The following SH3KBP1 variants were observed in gnomAD, a reference collection of about 807,000 sequenced individuals.
The protein encoded by SH3KBP1 is SH3 domain containing kinase binding protein 1, also known as SH3 domain-containing kinase-binding protein 1.
SH3KBP1 carries 8 observed loss-of-function variants against 50.1 expected under a neutral mutation model. That is an observed-to-expected ratio of 0.16 (90% CI 0.09 to 0.29). The LOEUF (loss-of-function observed/expected upper bound fraction) is 0.29, where lower values mean the gene tolerates loss of function less well. Among genes scored for constraint, SH3KBP1 ranks in the 10% least tolerant of loss-of-function variants. The pLI, the probability that SH3KBP1 is intolerant of heterozygous loss-of-function variation, is 1.00. For missense variants in SH3KBP1, 377 were observed against 535.2 expected, an observed-to-expected ratio of 0.70 and a Z score of 2.92; for synonymous variants, 227 against 218.6, an observed-to-expected ratio of 1.04 and a Z score of -0.34.
chrX:19,740,729 A>G (rs1230975993), intron 3 of SH3KBP1: 2 of 314,454 alleles, frequency 6.4e-6, no homozygotes, highest in Admixed American at 6.8e-5. Context: ...CAAACCAAAG[A>G]GGTTGACATT....
intron 4 of SH3KBP1, among the ~76,000 whole-genome samples, chrX:19,698,634 T>C (rs962234568): frequency 4.5e-5 from 5 of 111,756 alleles, no homozygotes; most frequent in African/African-American, 1.6e-4. Flanking sequence ...GAGCCCTTCA[T>C]GGGGGTGGTG....
chrX:19,788,354 G>A (rs1603243180), intron 2 of SH3KBP1, among the ~76,000 whole-genome samples: 1 of 108,547 alleles, frequency 9.2e-6, no homozygotes, highest in Middle Eastern at 4.7e-3. Context: ...AATGCCATGT[G>A]AAGATGAAGA....
intron 12 of SH3KBP1, among the ~76,000 whole-genome samples, chrX:19,572,967 G>C (rs2066090727): frequency 9.0e-6 from 1 of 111,557 alleles, no homozygotes; most frequent in Non-Finnish European, 1.9e-5. Context: ...GTTATTCCTG[G>C]GTAGTCTGAT....
chrX:19,762,906 C>T (rs940645011), intron 2 of SH3KBP1, among the ~76,000 whole-genome samples: 4 of 112,180 alleles, frequency 3.6e-5, no homozygotes, highest in African/African-American at 1.3e-4. Context: ...TGGAAACCTG[C>T]GAGTGGAGAT....
At position 19,758,597 on chromosome X, in the gene SH3KBP1, G is replaced by T. The variant is rs187658111; in HGVS notation, c.163-12156C>A. ...CATTTTTCCCATCAAAGTCTCCTCT[G>T]GAAAAATTTTAAAATGTTTCTCACT... On this transcript the variant is annotated intron_variant, in intron 2 of 17. Transcript: ENST00000397821. 4.5e-5 allele frequency among the ~76,000 whole-genome samples: 5 copies of T among 111,005 alleles called. No homozygotes were observed. In the East Asian group the frequency reaches 1.4e-3, roughly 31 times the overall value.
intron 13 of SH3KBP1, among the ~76,000 whole-genome samples, chrX:19,554,350 ATATAT>A (rs1169444993): frequency 2.2e-5 from 2 of 91,783 alleles, no homozygotes; most frequent in African/African-American, 8.5e-5. Context: ...TATCATATTA[ATATAT>A]TATATATCAT....
Position 19,553,917 on chromosome X carries a change from TATA to T in SH3KBP1, c.1385-3837_1385-3835del, listed in dbSNP as rs1468078807. ...TATATTATATATATAAAATATTATA[TATA>T]ATATTAAAATATATAATATATAATA... On this transcript the variant is annotated intron_variant, in intron 13 of 17. Transcript: ENST00000397821. Among the ~76,000 whole-genome samples, 45 of 75,353 alleles carry T rather than the reference TATA, an allele frequency of 6.0e-4. 1 individual carries two copies. Among genetic ancestry groups the T allele is most frequent in the African/African-American group, 2.1e-3 (41 of 19,160 alleles). The allele number at this position is 75,353 out of a possible 115,157, so 65.4% of individuals were successfully genotyped here. A position where few individuals can be genotyped will look rare whatever the true frequency, so the allele number is the denominator to read the frequency against.
intron 2 of SH3KBP1, among the ~76,000 whole-genome samples, chrX:19,815,538 A>G (rs1463251502): frequency 1.8e-5 from 2 of 109,562 alleles, no homozygotes; most frequent in Non-Finnish European, 3.8e-5. Flanking sequence ...ACTTGATCCA[A>G]TGTGTAGATT....
intron 13 of SH3KBP1, among the ~76,000 whole-genome samples, chrX:19,553,956 TATAATATATAATATATATTAA>T (rs2065334730): frequency 1.5e-5 from 1 of 67,288 alleles, no homozygotes; most frequent in Non-Finnish European, 2.4e-5. Flanking sequence ...TATATTAAAA[TATAATATATAATATATATTAA>T]AATATAATAT....
chrX:19,690,794 G>T (rs1317817018), intron 5 of SH3KBP1, among the ~76,000 whole-genome samples: 1 of 112,299 alleles, frequency 8.9e-6, no homozygotes, highest in Admixed American at 9.4e-5. Flanking sequence ...ACAATAAGAA[G>T]AAATAAGCTA....
Position 19,887,350 on chromosome X carries a change from G to A in SH3KBP1, c.-40C>T. 3 of 966,928 alleles carry A rather than the reference G, an allele frequency of 3.1e-6. No individual in the cohort carries two copies. The Admixed American group carries it at 1.4e-4, about 45-fold the overall frequency. The allele number at this position is 966,928 out of a possible 1,213,427, so 79.7% of individuals were successfully genotyped here. On this transcript the variant is annotated 5_prime_UTR_variant, in exon 1 of 18. Coordinates refer to ENST00000397821, the MANE Select transcript of SH3KBP1 (RefSeq NM_031892.3). ...GCCGGGCCGCCGAGGCAGCGTGAAAGTTGGCGGAGGCGGGCGTGGGGGTTG... is the reference window on the plus strand; with the variant it reads ...GCCGGGCCGCCGAGGCAGCGTGAAAATTGGCGGAGGCGGGCGTGGGGGTTG...
At chrX:19,803,122 C>T (rs939040544) in intron 2 of SH3KBP1, among the ~76,000 whole-genome samples, 1 of 111,971 alleles carries the variant, frequency 8.9e-6, no homozygotes, top group East Asian at 2.8e-4. Flanking sequence ...CTCTGCTTCT[C>T]GGCTCCAACC....
chrX:19,541,992 C>T lies in SH3KBP1; in HGVS notation c.1825G>A (p.Val609Met), dbSNP rs201469151. The T allele has an allele frequency of 3.4e-5, 41 of 1,210,288 alleles. No individual in the cohort carries two copies. The highest frequency in any genetic ancestry group is 8.9e-5 in the East Asian group (3 of 33,739). Residue 609 changes from valine (V) to methionine (M), a missense_variant, in exon 16 of 18, where the codon GTG (valine) becomes ATG (methionine). Physicochemically the swap from Val to Met is conservative, Grantham distance 21. This residue lies in a region of SH3KBP1 where 110 missense variants were observed against 124.1 expected (regional missense o/e 0.89). Coordinates refer to ENST00000397821, the MANE Select transcript of SH3KBP1 (RefSeq NM_031892.3). ...CGGACCTGTGTCCTTAGCTCCTCCA[C>T]GGCCGCCTGGCTGCTGGCCGCAGGC... ...MEPAASSQAAVEELRTQVREL... is the reference protein window; with the variant it reads ...MEPAASSQAAMEELRTQVREL...
chrX:19,664,204 C>T (rs1422762814), intron 6 of SH3KBP1, among the ~76,000 whole-genome samples: 1 of 111,946 alleles, frequency 8.9e-6, no homozygotes, highest in Non-Finnish European at 1.9e-5. Flanking sequence ...ACTTGTCTCT[C>T]TCTACTGCAA....
chrX:19,884,218 G>A (rs1455418442), intron 1 of SH3KBP1, among the ~76,000 whole-genome samples: 2 of 112,707 alleles, frequency 1.8e-5, no homozygotes, highest in Non-Finnish European at 3.7e-5. Context: ...ATACTGCCAT[G>A]AGAATTGCAT....
intron 3 of SH3KBP1, among the ~76,000 whole-genome samples, chrX:19,722,569 G>GGTGTGTGTGTGTGTGTGT (rs55675573): frequency 4.7e-5 from 4 of 84,259 alleles, no homozygotes; most frequent in African/African-American, 1.4e-4. Context: ...CGTGCGCACT[G>GGTGTGTGTGTGTGTGTGT]GTGTGTGTGT....
intron 3 of SH3KBP1, among the ~76,000 whole-genome samples, chrX:19,707,830 GAGACAGACAGACAGACAGAC>G (rs56755263): frequency 1.2e-4 from 13 of 107,393 alleles, no homozygotes; most frequent in Admixed American, 1.1e-3. Context: ...GGGTGAGGGT[GAGACAGACAGACAGACAGAC>G]AGACAGACAG....
chrX:19,856,951 CTTTTTTTTTTTTTTTTTTTTTT>C (rs758486199), intron 1 of SH3KBP1, among the ~76,000 whole-genome samples: 3 of 20,040 alleles, frequency 1.5e-4, no homozygotes, highest in Non-Finnish European at 2.0e-4. Flanking sequence ...TAATACTAGT[CTTTTTTTTTTTTTTTTTTTTTT>C]TTTTTTTTTT....
intron 7 of SH3KBP1, among the ~76,000 whole-genome samples, chrX:19,637,992 G>T (rs892678679): frequency 3.6e-5 from 4 of 109,604 alleles, no homozygotes; most frequent in African/African-American, 6.7e-5. Context: ...CAGGAGAATT[G>T]CTTAAACCAG....
Sources: gnomAD v4.1 joint callset for allele counts (sites outside exome capture counted in the v4.1 genomes callset) on GRCh38, gnomAD v4.1.1 for gene constraint, gnomAD v4.1.1 regional missense constraint, MANE v1.5 for transcripts, NCBI Gene and HGNC (gene_info 2026-07-23, HGNC 2026-07-21) for gene names.